Variants in WASHC2A observed in about 807,000 individuals in gnomAD.
The protein encoded by WASHC2A is WASH complex subunit FAM21A.
In WASHC2A, 82 loss-of-function variants were observed where a neutral mutation model predicts 140.3. The observed-to-expected ratio is 0.58, with a 90% CI of 0.49 to 0.70. The LOEUF (loss-of-function observed/expected upper bound fraction) is 0.70, where lower values mean the gene tolerates loss of function less well. Ranked by LOEUF, WASHC2A falls within the 30% of genes least tolerant of loss-of-function variation. The pLI is 0.00. For synonymous variants in WASHC2A, 340 were observed against 560.8 expected (o/e 0.61, Z 5.56); for missense variants, 985 against 1,521.8 (o/e 0.65, Z 5.87).
intron 16 of WASHC2A, among the ~76,000 whole-genome samples, chr10:50,099,269 C>A (rs1222510406): frequency 7.3e-6 from 1 of 136,168 alleles, no homozygotes; most frequent in African/African-American, 2.7e-5. Context: ...CATTCTTCTT[C>A]TTTTTTTTTT....
intron 7 of WASHC2A, 71 bp from the exon 8 acceptor site, chr10:50,087,204 T>C (rs1162211586): frequency 2.5e-6 from 4 of 1,607,284 alleles, no homozygotes; most frequent in African/African-American, 1.3e-5. Flanking sequence ...CCCAGAGACT[T>C]AGACCTGCAA....
intron 3 of WASHC2A, among the ~76,000 whole-genome samples, chr10:50,070,407 G>C (rs1837693700): frequency 2.6e-5 from 4 of 152,098 alleles, no homozygotes; most frequent in Admixed American, 2.6e-4. Flanking sequence ...GTTTCTCATA[G>C]GGTGTCCCAA....
At chr10:50,107,822 G>C (rs1554889070) in intron 19 of WASHC2A, among the ~76,000 whole-genome samples, 3 of 122,510 alleles carry the variant, frequency 2.4e-5, no homozygotes. Flanking sequence ...TACTCAGGAG[G>C]CTGAGGCAGG....
chr10:50,105,704 A>C (rs1185602594), intron 18 of WASHC2A, among the ~76,000 whole-genome samples: 1 of 149,370 alleles, frequency 6.7e-6, no homozygotes, highest in East Asian at 2.0e-4. Context: ...CACCTTAATA[A>C]ATATAACTTT....
chr10:50,118,135 T>A lies in WASHC2A; in HGVS notation c.2295+77T>A, dbSNP rs1842815077. On this transcript the variant is annotated intron_variant, in intron 22 of 30. Transcript: ENST00000282633. ...TTCAAACACACACAACCCCTTAAGT[T>A]TTTTGACCACAGAAAATAAATGGCC... The A allele has an allele frequency of 1.4e-6, 2 of 1,401,530 alleles. 1 individual carries two copies. Among genetic ancestry groups the A allele is most frequent in the African/African-American group, 2.8e-5 (2 of 71,160 alleles). The allele number at this position is 1,401,530 out of a possible 1,614,324, so 86.8% of individuals were successfully genotyped here. A position where few individuals can be genotyped will look rare whatever the true frequency, so the allele number is the denominator to read the frequency against.
At chr10:50,087,164 T>G in intron 7 of WASHC2A, 111 bp from the exon 8 acceptor site, 1 of 1,448,702 alleles carries the variant, frequency 6.9e-7, no homozygotes, top group Non-Finnish European at 9.7e-7. Context: ...TGTCAGAGCT[T>G]TTTCTCCACT....
At chr10:50,109,482 C>T (rs1554889575) in intron 19 of WASHC2A, among the ~76,000 whole-genome samples, 3 of 152,030 alleles carry the variant, frequency 2.0e-5, no homozygotes, top group African/African-American at 7.3e-5. Flanking sequence ...TTCTTATAGC[C>T]TCTGTAATTA....
In WASHC2A at chr10:50,125,196, C is replaced by T; in HGVS notation, c.2562C>T (p.Asp854=). The change falls in exon 24 of 31, where the codon GAC becomes GAT. Residue 854 remains aspartate (D), a synonymous_variant. Coordinates refer to ENST00000282633, the MANE Select transcript of WASHC2A (RefSeq NM_001005751.3). The part of the protein sequence containing the change: ...ELLFSHKLQK[D]NDPDVDLFAG... Reference sequence around the variant, plus strand: ...TTTTCAGCCACAAGCTCCAAAAGGACAATGACCCAGATGTTGACCTTTTTG... The same window carrying T: ...TTTTCAGCCACAAGCTCCAAAAGGATAATGACCCAGATGTTGACCTTTTTG... The T allele has an allele frequency of 6.2e-7, 1 of 1,610,356 alleles. No homozygotes were observed. The highest frequency in any genetic ancestry group is 8.5e-7 in the Non-Finnish European group (1 of 1,179,396).
chr10:50,131,865 A>G lies in WASHC2A; in HGVS notation c.3886+787A>G, dbSNP rs1234787791. ...TCATTATTTTAAATACAAAAAAAGT[A>G]ATACATGCTTATTGTAATAGATTCA... On this transcript the variant is annotated intron_variant, in intron 30 of 30. Transcript: ENST00000282633. Among the ~76,000 whole-genome samples, 5 of 152,362 alleles carry G rather than the reference A, an allele frequency of 3.3e-5. No individual in the cohort carries two copies. In the East Asian group the frequency reaches 9.6e-4, roughly 29 times the overall value.
Position 50,129,734 on chromosome 10 carries a change from A to G in WASHC2A, c.3403A>G (p.Ile1135Val). The change falls in exon 29 of 31, where the codon ATC (isoleucine) becomes GTC (valine). Residue 1135 changes from isoleucine (I) to valine (V), a missense_variant. Physicochemically the swap from Ile to Val is conservative, Grantham distance 29. Transcript: ENST00000282633. ...GGCTGACCTTTTTGATTCTGGGGAC[A>G]TCTTTTCCACGGGCACTGGATCTCA... is the stretch of plus-strand genomic sequence containing the variant. ...GEADLFDSGD[I>V]FSTGTGSQSV... 6.2e-7 allele frequency: 1 copy of G among 1,612,092 alleles called. No individual in the cohort carries two copies. Among genetic ancestry groups the G allele is most frequent in the Non-Finnish European group, 8.5e-7 (1 of 1,179,878 alleles).
intron 21 of WASHC2A, among the ~76,000 whole-genome samples, chr10:50,116,749 G>GT (rs1206431713): frequency 6.6e-6 from 1 of 150,864 alleles, no homozygotes; most frequent in Non-Finnish European, 1.5e-5. Context: ...AAGTTCAATG[G>GT]TTTTGCACTT....
At chr10:50,126,304 C>T (rs879962771) in intron 26 of WASHC2A, 125 bp downstream of exon 26, 140 of 1,560,242 alleles carry the variant, frequency 9.0e-5, no homozygotes, top group East Asian at 1.3e-4. Context: ...CCAGGGCTAC[C>T]GCTTTGTCTT....
At chr10:50,120,639 AT>A (rs1439054183) in intron 23 of WASHC2A, among the ~76,000 whole-genome samples, 17 of 139,868 alleles carry the variant, frequency 1.2e-4, no homozygotes, top group Non-Finnish European at 9.1e-5. Context: ...AAAAAAAAAA[AT>A]AGATGATGGT....
intron 3 of WASHC2A, among the ~76,000 whole-genome samples, chr10:50,070,794 C>T (rs541391148): frequency 7.8e-6 from 1 of 128,508 alleles, no homozygotes; most frequent in South Asian, 3.0e-4. Context: ...CTTTGGGAGG[C>T]CAAGACGGGT....
At chr10:50,092,466 GC>G (rs1329074053) in intron 11 of WASHC2A, among the ~76,000 whole-genome samples, 1 of 152,068 alleles carries the variant, frequency 6.6e-6, no homozygotes, top group Non-Finnish European at 1.5e-5. Flanking sequence ...GACCAGCCTG[GC>G]CAACATAGTG....
chr10:50,080,416 G>A (rs1375589062), intron 4 of WASHC2A, among the ~76,000 whole-genome samples: 2 of 143,204 alleles, frequency 1.4e-5, no homozygotes, highest in Non-Finnish European at 3.0e-5. Context: ...GTCATGGTGA[G>A]TCTGAGAGTC....
Position 50,114,572 on chromosome 10 carries a change from TAAAC to T in WASHC2A, c.2142+576_2142+579del, listed in dbSNP as rs1842544621. On this transcript the variant is annotated intron_variant, in intron 21 of 30. Transcript: ENST00000282633. ...GTAAACACGTAAACATGGTGTAATTTAAACTTTACAAAACAAGAAATACACATGA... is the reference window on the plus strand; with the variant it reads ...GTAAACACGTAAACATGGTGTAATTTTTTACAAAACAAGAAATACACATGA... 7.3e-5 allele frequency among the ~76,000 whole-genome samples: 10 copies of T among 136,878 alleles called. No homozygotes were observed. In the South Asian group the frequency reaches 2.5e-3, roughly 34 times the overall value. 89.8% of individuals were successfully genotyped at this position (136,878 alleles called of 152,430 possible).
At chr10:50,079,522 G>A (rs1450085057) in intron 4 of WASHC2A, among the ~76,000 whole-genome samples, 3 of 152,100 alleles carry the variant, frequency 2.0e-5, no homozygotes, top group South Asian at 2.1e-4. Context: ...TCAGCTTCCC[G>A]AGTAGCTGGG....
intron 28 of WASHC2A, among the ~76,000 whole-genome samples, 200 bp from the exon 29 acceptor site, chr10:50,129,219 T>C (rs1843712090): frequency 1.3e-5 from 2 of 152,158 alleles, no homozygotes; most frequent in Non-Finnish European, 2.9e-5. Context: ...TAAGAATGAC[T>C]TAGTCTTGGA....
Sources: gnomAD v4.1 joint callset for allele counts (sites outside exome capture counted in the v4.1 genomes callset) on GRCh38, gnomAD v4.1.1 for gene constraint, MANE v1.5 for transcripts, NCBI Gene and HGNC (gene_info 2026-07-23, HGNC 2026-07-21) for gene names.